The following CCSER1 variants were observed in gnomAD, a reference collection of about 807,000 sequenced individuals.
CCSER1 encodes serine-rich coiled-coil domain-containing protein 1.
Under a neutral mutation model 82.0 loss-of-function variants are expected in CCSER1, and 41 were observed. The observed-to-expected ratio is 0.50, with a 90% confidence interval of 0.39 to 0.65. The LOEUF (loss-of-function observed/expected upper bound fraction) is 0.65, where lower values mean the gene tolerates loss of function less well. CCSER1 is among the 30% of genes least tolerant of loss of function. The pLI, the probability that CCSER1 is intolerant of heterozygous loss-of-function variation, is 0.00. For missense variants in CCSER1, 1,119 were observed against 1,064.2 expected (o/e 1.05, Z -0.72); for synonymous variants, 414 against 383.9 (o/e 1.08, Z -0.92).
chr4:90,711,268 A>G (rs567929218), intron 6 of CCSER1, among the ~76,000 whole-genome samples: 30 of 152,076 alleles, frequency 2.0e-4, no homozygotes, highest in Admixed American at 4.6e-4. Flanking sequence ...GTGTCATGTT[A>G]TCTGTAAGCA....
At chr4:90,756,329 A>G (rs949513622) in intron 7 of CCSER1, among the ~76,000 whole-genome samples, 1 of 152,216 alleles carries the variant, frequency 6.6e-6, no homozygotes, top group African/African-American at 2.4e-5. Context: ...TATGGTTTGT[A>G]TAACTTTGTA....
At chr4:90,578,794 T>C (rs1182505520) in intron 5 of CCSER1, among the ~76,000 whole-genome samples, 1 of 152,182 alleles carries the variant, frequency 6.6e-6, no homozygotes, top group Non-Finnish European at 1.5e-5. Flanking sequence ...AGACTATCAA[T>C]AAATGGATAC....
At chr4:90,651,432 C>T (rs1047187067) in intron 6 of CCSER1, among the ~76,000 whole-genome samples, 1 of 152,098 alleles carries the variant, frequency 6.6e-6, no homozygotes. Context: ...AGCAAACTAA[C>T]ACAGGAACAG....
chr4:90,426,724 ATAAT>A (rs1757577061), intron 4 of CCSER1, among the ~76,000 whole-genome samples: 1 of 152,182 alleles, frequency 6.6e-6, no homozygotes, highest in Non-Finnish European at 1.5e-5. Flanking sequence ...AAATATTTGA[ATAAT>A]TAAAGAGTTT....
intron 1 of CCSER1, among the ~76,000 whole-genome samples, chr4:90,205,404 G>T (rs1426019895): frequency 6.6e-6 from 1 of 152,054 alleles, no homozygotes; most frequent in East Asian, 1.9e-4. Flanking sequence ...TAGCATGAAG[G>T]GGTGTTGAAG....
At chr4:90,605,535 C>T (rs937336255) in intron 5 of CCSER1, among the ~76,000 whole-genome samples, 1 of 152,060 alleles carries the variant, frequency 6.6e-6, no homozygotes, top group South Asian at 2.1e-4. Flanking sequence ...CTGTACAAAT[C>T]CAGTCTAAAA....
At chr4:91,407,839 C>T (rs539343819) in intron 10 of CCSER1, among the ~76,000 whole-genome samples, 25 of 152,258 alleles carry the variant, frequency 1.6e-4, no homozygotes, top group Admixed American at 3.9e-4. Context: ...GCGCCACTTC[C>T]AACACTGGGG....
chr4:90,330,234 A>G (rs1270531271), intron 3 of CCSER1, among the ~76,000 whole-genome samples: 3 of 152,148 alleles, frequency 2.0e-5, no homozygotes, highest in Non-Finnish European at 2.9e-5. Flanking sequence ...CAGCTTGAAT[A>G]TTTAAACTAT....
chr4:91,009,154 C>G (rs1354401666), intron 9 of CCSER1, among the ~76,000 whole-genome samples: 2 of 152,084 alleles, frequency 1.3e-5, no homozygotes, highest in Non-Finnish European at 2.9e-5. Context: ...TGGTGGACAG[C>G]AAGACAAAAG....
intron 6 of CCSER1, among the ~76,000 whole-genome samples, chr4:90,694,110 A>G (rs1030398002): frequency 2.0e-5 from 3 of 152,012 alleles, no homozygotes; most frequent in Non-Finnish European, 4.4e-5. Context: ...CCAGAAAGAG[A>G]GTAATGGCTA....
intron 8 of CCSER1, among the ~76,000 whole-genome samples, chr4:90,833,109 C>A (rs1761337751): frequency 6.6e-6 from 1 of 152,080 alleles, no homozygotes; most frequent in Admixed American, 6.6e-5. Flanking sequence ...AAATTTAATT[C>A]TCACAGTTTT....
At chr4:90,431,224 C>T (rs544669356) in intron 4 of CCSER1, among the ~76,000 whole-genome samples, 1 of 152,170 alleles carries the variant, frequency 6.6e-6, no homozygotes, top group East Asian at 1.9e-4. Flanking sequence ...CACAGATCTC[C>T]TAACAGCTCA....
At chr4:90,324,191 T>G (rs1351474516) in intron 3 of CCSER1, among the ~76,000 whole-genome samples, 6 of 152,166 alleles carry the variant, frequency 3.9e-5, no homozygotes, top group Admixed American at 1.3e-4. Context: ...ACCCAGTAAT[T>G]GGATGGCTGG....
chr4:90,419,489 T>G (rs1756360175), intron 4 of CCSER1, among the ~76,000 whole-genome samples: 1 of 151,928 alleles, frequency 6.6e-6, no homozygotes, highest in African/African-American at 2.4e-5. Flanking sequence ...CAGCCAGTAT[T>G]AACCTAGATC....
At chr4:90,627,844 C>G (rs889584521) in intron 5 of CCSER1, among the ~76,000 whole-genome samples, 181 bp from the exon 6 acceptor site, 2 of 152,020 alleles carry the variant, frequency 1.3e-5, no homozygotes, top group Non-Finnish European at 1.5e-5. Context: ...CCACTGCACT[C>G]CAGCCTGGGG....
intron 9 of CCSER1, among the ~76,000 whole-genome samples, chr4:90,965,304 T>G (rs1354187156): frequency 6.6e-6 from 1 of 152,086 alleles, no homozygotes; most frequent in Non-Finnish European, 1.5e-5. Flanking sequence ...ATAAATTCTC[T>G]GGAACCTAGA....
At chr4:90,288,638 C>A (rs1311640389) in intron 1 of CCSER1, among the ~76,000 whole-genome samples, 1 of 151,896 alleles carries the variant, frequency 6.6e-6, no homozygotes, top group Non-Finnish European at 1.5e-5. Context: ...GGTATTCAGA[C>A]TGTAGTATAA....
intron 1 of CCSER1, among the ~76,000 whole-genome samples, chr4:90,228,311 G>C (rs1463242720): frequency 6.6e-6 from 1 of 152,166 alleles, no homozygotes; most frequent in East Asian, 1.9e-4. Flanking sequence ...GTGGGTCCCT[G>C]ACCCCTGACC....
At chr4:91,002,788 G>T (rs1299371606) in intron 9 of CCSER1, among the ~76,000 whole-genome samples, 1 of 152,114 alleles carries the variant, frequency 6.6e-6, no homozygotes, top group East Asian at 1.9e-4. Context: ...CATTGCTGGT[G>T]AGCTAGTATG....
Sources: gnomAD v4.1 joint callset for allele counts (sites outside exome capture counted in the v4.1 genomes callset) on GRCh38, gnomAD v4.1.1 for gene constraint, MANE v1.5 for transcripts, NCBI Gene and HGNC (gene_info 2026-07-23, HGNC 2026-07-21) for gene names.